Variants in SLC17A1 observed in about 807,000 individuals in gnomAD.
The protein encoded by SLC17A1 is sodium-dependent phosphate transport protein 1.
Under a neutral mutation model 53.5 loss-of-function variants are expected in SLC17A1, and 51 were observed. The ratio of observed to expected loss-of-function variants is 0.95; its 90% CI spans 0.76 to 1.20. The LOEUF (loss-of-function observed/expected upper bound fraction) is 1.20, where lower values mean the gene tolerates loss of function less well. SLC17A1 is among the 50% of genes most tolerant of loss of function. The pLI, the probability that SLC17A1 is intolerant of heterozygous loss-of-function variation, is 0.00. For synonymous variants in SLC17A1, 179 were observed against 198.8 expected (o/e 0.90, Z 0.84); for missense variants, 538 against 568.2 (o/e 0.95, Z 0.54).
At position 25,782,935 on chromosome 6, in the gene SLC17A1, A is replaced by T. The variant is rs1763296993; in HGVS notation, c.*286T>A. The T allele has an allele frequency of 6.6e-6, 1 of 152,228 alleles. No individual in the cohort carries two copies. Among genetic ancestry groups the T allele is most frequent in the Admixed American group, 6.5e-5 (1 of 15,282 alleles). The allele number at this position is 152,228 out of a possible 1,614,324, so 9.4% of individuals were successfully genotyped here. ...TAGAATAAAATTTTATCTTGTGTGT[A>T]TTTATTGGTTTGACAATCATTTATA... is the stretch of plus-strand genomic sequence containing the variant. On this transcript the variant is annotated 3_prime_UTR_variant, in exon 13 of 13. Transcript: ENST00000244527.
chr6:25,727,321 C>T, the SLC17A1 span: 10 of 1,547,842 alleles, frequency 6.5e-6, no homozygotes, highest in South Asian at 2.5e-5. Context: ...ATTTCTAACC[C>T]AAAGGCTCTT....
the SLC17A1 span, among the ~76,000 whole-genome samples, chr6:25,748,460 G>A: frequency 6.6e-6 from 1 of 152,076 alleles, no homozygotes; most frequent in African/African-American, 2.4e-5. Context: ...AAGACTAGAA[G>A]AAAAGGGAAA....
intron 10 of SLC17A1, among the ~76,000 whole-genome samples, chr6:25,804,565 C>A (rs949139369): frequency 6.6e-6 from 1 of 152,012 alleles, no homozygotes; most frequent in Non-Finnish European, 1.5e-5. Context: ...GGTCTAAATG[C>A]TCCACTTAAA....
chr6:25,781,282 A>G (rs977866438), downstream of SLC17A1: 19 of 152,152 alleles, frequency 1.2e-4, no homozygotes, highest in Admixed American at 4.6e-4. Flanking sequence ...AGAAAGAAAG[A>G]AAGAAAAAGA....
rs556993088 is a variant in SLC17A1 at position 25,794,230 on chromosome 6, T to G, written c.*2+4553A>C. On this transcript the variant is annotated intron_variant, in intron 12 of 12. Coordinates refer to ENST00000244527, the MANE Select transcript of SLC17A1 (RefSeq NM_005074.5). The stretch of plus-strand genomic sequence containing the variant: ...TGAACTCTCCTTTTGCTCTTTAGAC[T>G]GCACCTTAAATCTGCCTCTCCTTAG... Among the ~76,000 whole-genome samples the G allele has an allele frequency of 7.9e-5, 12 of 152,346 alleles. No individual in the cohort carries two copies. In the South Asian group the frequency reaches 1.0e-3, roughly 13 times the overall value.
At chr6:25,735,666 A>G in the SLC17A1 span, among the ~76,000 whole-genome samples, 1 of 152,228 alleles carries the variant, frequency 6.6e-6, no homozygotes, top group Non-Finnish European at 1.5e-5. Context: ...AGCTAAAACA[A>G]AAGTTTTCAA....
the SLC17A1 span, chr6:25,773,351 T>G: frequency 1.2e-6 from 2 of 1,613,998 alleles, no homozygotes; most frequent in East Asian, 4.5e-5. Context: ...CCTTTATCAG[T>G]GCTGGTGAGA....
At chr6:25,783,394 C>T (rs9461212) in intron 12 of SLC17A1, among the ~76,000 whole-genome samples, 176 bp from the exon 13 acceptor site, 10,085 of 152,166 alleles carry the variant, frequency 0.066, 765 homozygotes, top group African/African-American at 0.19. Context: ...TTTTTTTACA[C>T]TTCTCTCCTC....
At chr6:25,768,903 C>T in the SLC17A1 span, 7 of 1,259,102 alleles carry the variant, frequency 5.6e-6, no homozygotes, top group African/African-American at 2.9e-5. Context: ...CAGACAGATA[C>T]CAATCTTCTC....
intron 8 of SLC17A1, 54 bp downstream of exon 8, chr6:25,812,777 A>G: frequency 7.2e-7 from 1 of 1,393,560 alleles, no homozygotes; most frequent in Non-Finnish European, 9.9e-7. Flanking sequence ...GAGACAGACA[A>G]ATGTACACAG....
At chr6:25,830,154 A>G (rs1455079233) in intron 2 of SLC17A1, among the ~76,000 whole-genome samples, 1 of 152,200 alleles carries the variant, frequency 6.6e-6, no homozygotes, top group Non-Finnish European at 1.5e-5. Flanking sequence ...GTACACATTC[A>G]GCTGTTGATG....
chr6:25,756,881 A>G, the SLC17A1 span, among the ~76,000 whole-genome samples: 2 of 152,212 alleles, frequency 1.3e-5, no homozygotes, highest in Non-Finnish European at 2.9e-5. Flanking sequence ...GTGGAAAAAA[A>G]TGTTGCCCTG....
intron 6 of SLC17A1, among the ~76,000 whole-genome samples, chr6:25,814,551 A>G (rs1160223734): frequency 6.6e-6 from 1 of 152,222 alleles, no homozygotes; most frequent in East Asian, 1.9e-4. Flanking sequence ...GGTGCTGGAA[A>G]TAAAAATACT....
At chr6:25,819,627 C>T in intron 4 of SLC17A1, 29 bp from the exon 5 acceptor site, 6 of 1,611,442 alleles carry the variant, frequency 3.7e-6, no homozygotes, top group South Asian at 2.2e-5. Context: ...GACATTTAAT[C>T]TCTAATACTT....
the SLC17A1 span, among the ~76,000 whole-genome samples, chr6:25,745,624 A>T: frequency 0.27 from 41,161 of 151,968 alleles, 6,737 homozygotes; most frequent in East Asian, 0.7. Context: ...AAACTTGCTC[A>T]GTCTTTGTGT....
the SLC17A1 span, among the ~76,000 whole-genome samples, chr6:25,764,778 C>G: frequency 6.6e-6 from 1 of 152,216 alleles, no homozygotes; most frequent in African/African-American, 2.4e-5. Context: ...CATCCTGCAG[C>G]TTTCCCCTCA....
chr6:25,786,894 A>C (rs1345116594), intron 12 of SLC17A1, among the ~76,000 whole-genome samples: 1 of 152,138 alleles, frequency 6.6e-6, no homozygotes, highest in Non-Finnish European at 1.5e-5. Context: ...CCAGCTGGAG[A>C]CACAGGGAAG....
At chr6:25,762,041 T>C in the SLC17A1 span, 1 of 1,613,244 alleles carries the variant, frequency 6.2e-7, no homozygotes, top group Non-Finnish European at 8.5e-7. Context: ...TCAAGAGGAA[T>C]GCTCCAGGAA....
chr6:25,770,877 C>A, the SLC17A1 span: 2 of 1,414,532 alleles, frequency 1.4e-6, no homozygotes, highest in African/African-American at 1.4e-5. Flanking sequence ...GCACATAGAG[C>A]CCCAAGACGA....
Sources: allele counts gnomAD v4.1 joint callset (sites outside exome capture counted in the v4.1 genomes callset), GRCh38; gene constraint gnomAD v4.1.1; transcripts MANE v1.5; gene names NCBI Gene and HGNC (gene_info 2026-07-23, HGNC 2026-07-21).